The following SLIT3 variants were observed in gnomAD, a reference collection of about 807,000 sequenced individuals.
SLIT3 encodes the protein slit guidance ligand 3.
SLIT3 carries 68 observed loss-of-function variants against 184.0 expected under a neutral mutation model. The observed-to-expected ratio is 0.37, with a 90% CI of 0.30 to 0.45. The LOEUF is 0.45. Among genes scored for constraint, SLIT3 ranks in the 20% least tolerant of loss-of-function variants. The pLI is 1.00. For synonymous variants in SLIT3, 831 were observed against 828.6 expected (o/e 1.00, Z -0.05); for missense variants, 1,707 against 2,026.0 (o/e 0.84, Z 3.02).
intron 20 of SLIT3, among the ~76,000 whole-genome samples, chr5:168,735,984 C>T (rs1763423685): frequency 6.6e-6 from 1 of 152,172 alleles, no homozygotes; most frequent in African/African-American, 2.4e-5. Context: ...GATCTTTCCA[C>T]CTTGAGGTCT....
At chr5:169,219,436 T>G (rs1764551324) in intron 3 of SLIT3, among the ~76,000 whole-genome samples, 1 of 152,244 alleles carries the variant, frequency 6.6e-6, no homozygotes, top group Admixed American at 6.5e-5. Context: ...TTACGTGTCA[T>G]ACAACTCATC....
chr5:169,198,975 C>CAT (rs938131007), intron 3 of SLIT3, among the ~76,000 whole-genome samples: 2 of 139,380 alleles, frequency 1.4e-5, no homozygotes, highest in African/African-American at 5.2e-5. Context: ...CACACACACA[C>CAT]ATATGTGTGT....
At chr5:168,895,907 T>C (rs1269393951) in intron 4 of SLIT3, among the ~76,000 whole-genome samples, 4 of 152,242 alleles carry the variant, frequency 2.6e-5, no homozygotes, top group South Asian at 2.1e-4. Flanking sequence ...ACATGAGCAC[T>C]GGGAGGACCC....
intron 4 of SLIT3, among the ~76,000 whole-genome samples, chr5:169,137,601 G>T (rs1272626876): frequency 6.6e-6 from 1 of 151,930 alleles, no homozygotes; most frequent in Non-Finnish European, 1.5e-5. Context: ...ATGGCCACTT[G>T]CTTAGGTGGC....
chr5:169,004,989 C>T (rs1341292356), intron 4 of SLIT3, among the ~76,000 whole-genome samples: 1 of 152,182 alleles, frequency 6.6e-6, no homozygotes, highest in Non-Finnish European at 1.5e-5. Flanking sequence ...GAGCTTTCTT[C>T]TTTTTTACAA....
intron 4 of SLIT3, among the ~76,000 whole-genome samples, chr5:169,060,070 T>C (rs956119953): frequency 6.6e-6 from 1 of 152,240 alleles, no homozygotes; most frequent in Non-Finnish European, 1.5e-5. Context: ...ACTGGCATCC[T>C]GATCTGGAAC....
chr5:168,687,142 G>A lies in SLIT3; in HGVS notation c.3177-26C>T, dbSNP rs115048889. On this transcript the variant is annotated intron_variant, in intron 29 of 35. Transcript: ENST00000519560. Reference sequence around the variant, plus strand: ...CTGGAACATAGGCAGAGGCAAGGCCGTTCCTCAAGGCAAAGCCAGCTTGCA... The same window carrying A: ...CTGGAACATAGGCAGAGGCAAGGCCATTCCTCAAGGCAAAGCCAGCTTGCA... 72 of 1,607,486 alleles carry A rather than the reference G, an allele frequency of 4.5e-5. No homozygotes were observed. In the African/African-American group the frequency reaches 7.7e-4, roughly 17 times the overall value.
chr5:168,987,027 A>G (rs1408956578), intron 4 of SLIT3, among the ~76,000 whole-genome samples: 1 of 152,178 alleles, frequency 6.6e-6, no homozygotes, highest in Non-Finnish European at 1.5e-5. Context: ...CAGCCTGGGC[A>G]ACAGAGCGAG....
Position 168,772,976 on chromosome 5 carries a change from T to G in SLIT3, c.1296-32A>C, listed in dbSNP as rs534968652. 112 of 1,560,530 alleles carry G rather than the reference T, an allele frequency of 7.2e-5. 1 individual carries two copies. The East Asian group carries it at 2.5e-3, about 35-fold the overall frequency. ...GAGGGATGGGGCCGTTAATCAGGAG[T>G]GACCCACGGCGTCTTGCTCCACCAC... is the stretch of plus-strand genomic sequence containing the variant. On this transcript the variant is annotated intron_variant, in intron 13 of 35. Coordinates refer to ENST00000519560, the MANE Select transcript of SLIT3 (RefSeq NM_003062.4).
intron 4 of SLIT3, among the ~76,000 whole-genome samples, chr5:168,941,347 C>T (rs2113206830): frequency 6.6e-6 from 1 of 152,206 alleles, no homozygotes; most frequent in South Asian, 2.1e-4. Context: ...TATATACTCC[C>T]TAGGTTAGGT....
intron 4 of SLIT3, among the ~76,000 whole-genome samples, chr5:168,933,186 A>G (rs557665673): frequency 6.6e-6 from 1 of 152,322 alleles, no homozygotes; most frequent in East Asian, 1.9e-4. Flanking sequence ...TTAGCATATG[A>G]GAAAGGACTT....
At chr5:169,260,336 C>G (rs1408347792) in intron 1 of SLIT3, among the ~76,000 whole-genome samples, 3 of 152,134 alleles carry the variant, frequency 2.0e-5, no homozygotes, top group Non-Finnish European at 4.4e-5. Context: ...TATGCACTCA[C>G]TACGCTTTCC....
chr5:168,948,325 G>T (rs1762551951), intron 4 of SLIT3, among the ~76,000 whole-genome samples: 1 of 152,082 alleles, frequency 6.6e-6, no homozygotes, highest in Non-Finnish European at 1.5e-5. Flanking sequence ...GTGGATTTTT[G>T]GGTTCAGAGG....
At chr5:168,791,913 C>T (rs58747638) in intron 10 of SLIT3, 20,480 of 152,182 alleles carry the variant, frequency 0.13, 1,565 homozygotes, top group African/African-American at 0.2. Context: ...CTCACCCCAC[C>T]GGCCTCTGAA....
intron 6 of SLIT3, among the ~76,000 whole-genome samples, chr5:168,834,686 C>CAAAAAAAAAAAAAAAAAAA: frequency 2.7e-5 from 1 of 37,426 alleles, no homozygotes; most frequent in African/African-American, 1.0e-4. Flanking sequence ...GACTCTGTCT[C>CAAAAAAAAAAAAAAAAAAA]AAAAAAAAAA....
chr5:168,828,254 A>G (rs1220000440), intron 6 of SLIT3, among the ~76,000 whole-genome samples: 2 of 152,164 alleles, frequency 1.3e-5, no homozygotes, highest in East Asian at 3.9e-4. Flanking sequence ...ATCGGAACCT[A>G]GGGGAAGGCC....
At chr5:168,696,238 G>A in intron 28 of SLIT3, 54 bp downstream of exon 28, 1 of 1,602,848 alleles carries the variant, frequency 6.2e-7, no homozygotes, top group Non-Finnish European at 8.5e-7. Context: ...TAAGAAAATG[G>A]TATTCTAGCG....
At chr5:169,135,018 G>C (rs946434695) in intron 4 of SLIT3, among the ~76,000 whole-genome samples, 1 of 152,200 alleles carries the variant, frequency 6.6e-6, no homozygotes, top group African/African-American at 2.4e-5. Context: ...CATGGACTAT[G>C]TGTTGTGACA....
intron 20 of SLIT3, 91 bp downstream of exon 20, chr5:168,748,211 T>A: frequency 7.3e-7 from 1 of 1,374,792 alleles, no homozygotes; most frequent in Non-Finnish European, 9.5e-7. Flanking sequence ...AGTTTCGCCA[T>A]GTTGCCTTGC....
Sources: gnomAD v4.1 joint callset for allele counts (sites outside exome capture counted in the v4.1 genomes callset) on GRCh38, gnomAD v4.1.1 for gene constraint, MANE v1.5 for transcripts, NCBI Gene and HGNC (gene_info 2026-07-23, HGNC 2026-07-21) for gene names.